HAPLN1: variants seen among roughly 807,000 people sequenced by gnomAD.
The protein encoded by HAPLN1 is hyaluronan and proteoglycan link protein 1.
Under a neutral mutation model 36.5 loss-of-function variants are expected in HAPLN1, and 13 were observed. That is an observed-to-expected ratio of 0.36 (90% CI 0.23 to 0.57). The LOEUF (loss-of-function observed/expected upper bound fraction) is 0.57. Among genes scored for constraint, HAPLN1 ranks in the 20% least tolerant of loss-of-function variants. The pLI is 0.83. For missense variants in HAPLN1, 407 were observed against 439.7 expected (o/e 0.93, Z 0.66); for synonymous variants, 202 against 169.8 (o/e 1.19, Z -1.48).
intron 3 of HAPLN1, among the ~76,000 whole-genome samples, chr5:83,648,901 C>T (rs77448138): frequency 0.018 from 2,707 of 152,304 alleles, 48 homozygotes; most frequent in Non-Finnish European, 0.027. Flanking sequence ...TCTGCTGCAT[C>T]TTGAGTTTCT....
At chr5:83,694,505 C>T (rs193004135) in intron 1 of HAPLN1, among the ~76,000 whole-genome samples, 2 of 151,772 alleles carry the variant, frequency 1.3e-5, no homozygotes, top group Non-Finnish European at 2.9e-5. Context: ...AATCTCTATA[C>T]AAGCTAATCT....
Position 83,712,603 on chromosome 5 carries a change from T to C in HAPLN1, c.-27+8186A>G, listed in dbSNP as rs536385917. Among the ~76,000 whole-genome samples the C allele has an allele frequency of 1.2e-4, 18 of 152,136 alleles. No homozygotes were observed. In the South Asian group the frequency reaches 3.7e-3, roughly 32 times the overall value. On this transcript the variant is annotated intron_variant, in intron 1 of 4. Transcript: ENST00000274341. ...TATCTCGCTAGTAAAATCTGTGACTTTTTTCATTGGCCTGTAGAAGGAGAG... is the reference window on the plus strand; with the variant it reads ...TATCTCGCTAGTAAAATCTGTGACTCTTTTCATTGGCCTGTAGAAGGAGAG...
intron 1 of HAPLN1, chr5:83,686,136 T>G (rs1751115413): frequency 1.2e-5 from 1 of 83,826 alleles, no homozygotes. Context: ...AGATATAAAA[T>G]GTAGCCAAAA....
rs202185751 is a variant in HAPLN1 at position 83,673,452 on chromosome 5, C to T, written c.72G>A (p.Leu24=). Residue 24 remains leucine (L), a synonymous_variant, in exon 2 of 5, where the codon CTG becomes CTA. Transcript: ENST00000274341. ...GGATGTGAATAGCTCTGTCATGATC[C>T]AGAGTATAGTTGTCTGAAAGATGAT... ...WADHLSDNYT[L]DHDRAIHIQA... 492 of 1,611,548 alleles carry T rather than the reference C, an allele frequency of 3.1e-4. 6 individuals are homozygous for T. In the South Asian group the frequency reaches 5.2e-3, roughly 17 times the overall value.
chr5:83,649,305 G>C (rs1348737313), intron 3 of HAPLN1, among the ~76,000 whole-genome samples: 1 of 152,120 alleles, frequency 6.6e-6, no homozygotes, highest in East Asian at 1.9e-4. Context: ...CTGGAATGCT[G>C]TCGGTGGTAT....
intron 2 of HAPLN1, among the ~76,000 whole-genome samples, chr5:83,671,712 T>G (rs982335088): frequency 3.9e-5 from 6 of 152,206 alleles, no homozygotes; most frequent in African/African-American, 1.2e-4. Context: ...CATAACATCA[T>G]AATCCTATGA....
chr5:83,719,653 T>G (rs369722864), intron 1 of HAPLN1, among the ~76,000 whole-genome samples: 16 of 152,204 alleles, frequency 1.1e-4, no homozygotes, highest in African/African-American at 3.9e-4. Flanking sequence ...TCTCCAAAGA[T>G]AACTACTATG....
At chr5:83,671,478 A>G (rs1396673839) in intron 2 of HAPLN1, among the ~76,000 whole-genome samples, 1 of 152,206 alleles carries the variant, frequency 6.6e-6, no homozygotes, top group Non-Finnish European at 1.5e-5. Context: ...AATATAAGAA[A>G]ATATGCAGTA....
chr5:83,715,856 C>T (rs575560956), intron 1 of HAPLN1, among the ~76,000 whole-genome samples: 2 of 152,224 alleles, frequency 1.3e-5, no homozygotes, highest in Admixed American at 6.5e-5. Context: ...AACTATGAGG[C>T]CAGAACTTTT....
In HAPLN1 at chr5:83,673,589, G is replaced by C. The variant is rs1349774335; in HGVS notation, c.-26-40C>G. On this transcript the variant is annotated intron_variant, in intron 1 of 4. Transcript: ENST00000274341. ...CATACAAAGAGGCTTGTGAGATTTGGAACCCTTTGGAGTGTTGCACTGCAC... is the reference window on the plus strand; with the variant it reads ...CATACAAAGAGGCTTGTGAGATTTGCAACCCTTTGGAGTGTTGCACTGCAC... 4 of 1,184,766 alleles carry C rather than the reference G, an allele frequency of 3.4e-6. No individual in the cohort carries two copies. In the Admixed American group the frequency reaches 5.2e-5, roughly 15 times the overall value. The allele number at this position is 1,184,766 out of a possible 1,614,324, so 73.4% of individuals were successfully genotyped here. A position where few individuals can be genotyped will look rare whatever the true frequency, so the allele number is the denominator to read the frequency against.
chr5:83,687,995 C>T (rs1751172929), intron 1 of HAPLN1, among the ~76,000 whole-genome samples: 1 of 152,092 alleles, frequency 6.6e-6, no homozygotes, highest in African/African-American at 2.4e-5. Flanking sequence ...GGTAAATTTG[C>T]TTTCATATCT....
intron 2 of HAPLN1, among the ~76,000 whole-genome samples, chr5:83,668,602 T>C (rs575516903): frequency 6.6e-6 from 1 of 152,402 alleles, no homozygotes; most frequent in East Asian, 1.9e-4. Context: ...TGTCACATGC[T>C]GCTAAATGCC....
intron 1 of HAPLN1, among the ~76,000 whole-genome samples, chr5:83,704,405 T>C (rs923465880): frequency 6.6e-6 from 1 of 152,080 alleles, no homozygotes; most frequent in African/African-American, 2.4e-5. Context: ...CATATATCAA[T>C]ACAAACCTTG....
chr5:83,650,545 A>G (rs1750025578), intron 3 of HAPLN1, among the ~76,000 whole-genome samples: 1 of 151,910 alleles, frequency 6.6e-6, no homozygotes, highest in Non-Finnish European at 1.5e-5. Flanking sequence ...TCATATGCAT[A>G]TATTCTATAT....
At position 83,699,302 on chromosome 5, in the gene HAPLN1, G is replaced by A. The variant is rs1330858959; in HGVS notation, c.-27+21487C>T. Among the ~76,000 whole-genome samples the A allele has an allele frequency of 2.6e-5, 4 of 152,186 alleles. No homozygotes were observed. The South Asian group carries it at 6.2e-4, about 24-fold the overall frequency. The stretch of plus-strand genomic sequence containing the variant: ...ACTATATAGTGACTCCACTTTGTTA[G>A]GGCAATGTACATAGTGGCTGCTCAC... On this transcript the variant is annotated intron_variant, in intron 1 of 4. Coordinates refer to ENST00000274341, the MANE Select transcript of HAPLN1 (RefSeq NM_001884.4).
chr5:83,645,475 C>CTTTTTTTT lies in HAPLN1; in HGVS notation c.473-818_473-811dup. 1.5e-4 allele frequency among the ~76,000 whole-genome samples: 11 copies of CTTTTTTTT among 74,332 alleles called. 1 individual carries two copies. The highest frequency in any genetic ancestry group is 3.1e-4 in the African/African-American group (5 of 16,078). 48.8% of individuals were successfully genotyped at this position (74,332 alleles called of 152,430 possible). On this transcript the variant is annotated intron_variant, in intron 3 of 4. Coordinates refer to ENST00000274341, the MANE Select transcript of HAPLN1 (RefSeq NM_001884.4). ...GTGATTTTCTTTTTTCTTTTTCTTTCTTTTTTTTTTTTTTTTAGCTCATCA... is the reference window on the plus strand; with the variant it reads ...GTGATTTTCTTTTTTCTTTTTCTTTCTTTTTTTTTTTTTTTTTTTTTTTTAGCTCATCA...
At chr5:83,672,005 T>A (rs970888800) in intron 2 of HAPLN1, among the ~76,000 whole-genome samples, 1 of 152,212 alleles carries the variant, frequency 6.6e-6, no homozygotes, top group African/African-American at 2.4e-5. Flanking sequence ...TGAGATAACT[T>A]GAGTCTGACT....
chr5:83,693,460 G>A (rs990865192), intron 1 of HAPLN1, among the ~76,000 whole-genome samples: 1 of 151,824 alleles, frequency 6.6e-6, no homozygotes, highest in East Asian at 1.9e-4. Flanking sequence ...AGAAAAATTA[G>A]CAAGATAGTG....
chr5:83,642,206 C>T (rs1047821025), intron 4 of HAPLN1, among the ~76,000 whole-genome samples: 1 of 152,114 alleles, frequency 6.6e-6, no homozygotes, highest in Non-Finnish European at 1.5e-5. Flanking sequence ...AGGATCAAAA[C>T]ACATTCCTGA....
Sources: gnomAD v4.1 joint callset for allele counts (sites outside exome capture counted in the v4.1 genomes callset) on GRCh38, gnomAD v4.1.1 for gene constraint, MANE v1.5 for transcripts, NCBI Gene and HGNC (gene_info 2026-07-23, HGNC 2026-07-21) for gene names.